The following LHX6 variants were observed in gnomAD, a reference collection of about 807,000 sequenced individuals.
LHX6 encodes LIM homeobox 6.
LHX6 carries 15 observed loss-of-function variants against 47.1 expected under a neutral mutation model. That is an observed-to-expected ratio of 0.32 (90% confidence interval 0.21 to 0.49). The LOEUF (loss-of-function observed/expected upper bound fraction) is 0.49, where lower values mean the gene tolerates loss of function less well. LHX6 is among the 20% of genes least tolerant of loss of function. The probability of loss-of-function intolerance (pLI) is 0.99; values close to 1 mark genes in which losing one functional copy is unlikely to be tolerated. For synonymous variants in LHX6, 242 were observed against 233.5 expected (o/e 1.04, Z -0.33); for missense variants, 404 against 539.6 (o/e 0.75, Z 2.49).
At chr9:122,216,762 C>T (rs1289116913) in intron 5 of LHX6, among the ~76,000 whole-genome samples, 10 of 152,244 alleles carry the variant, frequency 6.6e-5, no homozygotes, top group Non-Finnish European at 1.5e-4. Flanking sequence ...CTAGGGTTCA[C>T]TGAGTGCCTC....
chr9:122,212,556 T>C (rs1376144182), intron 8 of LHX6, among the ~76,000 whole-genome samples: 2 of 152,110 alleles, frequency 1.3e-5, no homozygotes, highest in Non-Finnish European at 1.5e-5. Context: ...GAGGAAACAA[T>C]TGATGGGAAC....
Position 122,214,196 on chromosome 9 carries a change from C to T in LHX6, c.783+87G>A. The stretch of plus-strand genomic sequence containing the variant: ...GCCCCGCCCCGCCACCCGGGTCCGG[C>T]CCGAGGGGCGGAGCCAGGAGACATT... On this transcript the variant is annotated intron_variant, in intron 6 of 9. Coordinates refer to ENST00000394319, the MANE Select transcript of LHX6 (RefSeq NM_014368.5). The surrounding 1 kb of genome is among the most constrained non-coding windows in gnomAD (Gnocchi z 4.6). 1.5e-6 allele frequency: 2 copies of T among 1,292,252 alleles called. No individual in the cohort carries two copies. The highest frequency in any genetic ancestry group is 2.3e-5 in the Admixed American group (1 of 42,562). The allele number at this position is 1,292,252 out of a possible 1,614,324, so 80.0% of individuals were successfully genotyped here. A position where few individuals can be genotyped will look rare whatever the true frequency, so the allele number is the denominator to read the frequency against.
rs1830503678 is a variant in LHX6, at chr9:122,214,125, C to A, written c.784-56G>T. ...GCACGCAGAGACTCCGAGACCCCGG[C>A]CCAATCAGCGGCGCCAGTCCACAGG... On this transcript the variant is annotated intron_variant, in intron 6 of 9. Coordinates refer to ENST00000394319, the MANE Select transcript of LHX6 (RefSeq NM_014368.5). This position sits in a 1 kb window ranked among gnomAD's most constrained non-coding sequence, Gnocchi z 4.6. 1.3e-6 allele frequency: 2 copies of A among 1,517,112 alleles called. No homozygotes were observed. Among genetic ancestry groups the A allele is most frequent in the African/African-American group, 2.7e-5 (2 of 73,134 alleles). The allele number at this position is 1,517,112 out of a possible 1,614,324, so 94.0% of individuals were successfully genotyped here. A position where few individuals can be genotyped will look rare whatever the true frequency, so the allele number is the denominator to read the frequency against.
chr9:122,204,863 G>A (rs996012288), intron 9 of LHX6, 83 bp from the exon 10 acceptor site: 10 of 947,614 alleles, frequency 1.1e-5, no homozygotes, highest in Non-Finnish European at 1.5e-5. Context: ...AAGGCACAGA[G>A]AAGAAGGGTG....
chr9:122,207,697 C>T (rs1280942293), intron 9 of LHX6, among the ~76,000 whole-genome samples: 2 of 152,146 alleles, frequency 1.3e-5, no homozygotes, highest in Non-Finnish European at 2.9e-5. Context: ...ACACATTCTC[C>T]TGTGGTGCCC....
intron 8 of LHX6, among the ~76,000 whole-genome samples, chr9:122,212,631 T>TC (rs1830438454): frequency 6.6e-6 from 1 of 152,120 alleles, no homozygotes. Context: ...TGAACACTCA[T>TC]CCTCCAGAAA....
intron 5 of LHX6, among the ~76,000 whole-genome samples, chr9:122,216,315 C>T (rs1382614228): frequency 6.6e-6 from 1 of 152,214 alleles, no homozygotes; most frequent in Non-Finnish European, 1.5e-5. Flanking sequence ...TTTCCCAGCT[C>T]CATCCCATCT....
chr9:122,228,753 C>T lies in LHX6; in HGVS notation c.-13G>A, dbSNP rs375357673. The stretch of plus-strand genomic sequence containing the variant: ...GCTTCCAGTACATGGGCCGGGGAAC[C>T]TCGGGCTCAGCGGGCGCGCAGCGCG... On this transcript the variant is annotated 5_prime_UTR_variant, in exon 1 of 10. Coordinates refer to ENST00000394319, the MANE Select transcript of LHX6 (RefSeq NM_014368.5). The T allele has an allele frequency of 2.2e-3, 2,794 of 1,251,832 alleles. 142 individuals are homozygous for T. In the Admixed American group the frequency reaches 0.096, roughly 43 times the overall value. 77.5% of individuals were successfully genotyped at this position (1,251,832 alleles called of 1,614,324 possible).
intron 9 of LHX6, among the ~76,000 whole-genome samples, chr9:122,206,736 G>A (rs1178175828): frequency 6.6e-6 from 1 of 152,030 alleles, no homozygotes; most frequent in Non-Finnish European, 1.5e-5. Context: ...GTACCTCCAG[G>A]GCCCATCCCT....
chr9:122,219,613 T>C (rs1461817718), intron 4 of LHX6, among the ~76,000 whole-genome samples: 3 of 152,146 alleles, frequency 2.0e-5, no homozygotes, highest in Non-Finnish European at 4.4e-5. Flanking sequence ...GAGACCTTAC[T>C]ACGGGCCGGG....
At chr9:122,212,426 T>G (rs945303481) in intron 8 of LHX6, among the ~76,000 whole-genome samples, 2 of 152,208 alleles carry the variant, frequency 1.3e-5, no homozygotes, top group African/African-American at 4.8e-5. Flanking sequence ...ATATGGTCAG[T>G]AAGCAGCAGT....
In LHX6 at chr9:122,214,254, C is replaced by T; in HGVS notation, c.783+29G>A. ...CCGCCCACTTTCGGCCCGGCCCCCG[C>T]CCCCGCCGCCCACTGCTTGCAGCGG... On this transcript the variant is annotated intron_variant, in intron 6 of 9. Transcript: ENST00000394319. The surrounding 1 kb of genome is among the most constrained non-coding windows in gnomAD (Gnocchi z 4.6). The T allele has an allele frequency of 1.3e-6, 2 of 1,546,606 alleles. No individual in the cohort carries two copies. Among genetic ancestry groups the T allele is most frequent in the Non-Finnish European group, 1.7e-6 (2 of 1,151,936 alleles).
chr9:122,221,845 G>T (rs1830875789), intron 4 of LHX6: 1 of 384,086 alleles, frequency 2.6e-6, no homozygotes, highest in African/African-American at 2.2e-5. Context: ...CTCACCTATA[G>T]AAGAGTATGG....
At chr9:122,219,715 G>T (rs1182627320) in intron 4 of LHX6, among the ~76,000 whole-genome samples, 2 of 152,202 alleles carry the variant, frequency 1.3e-5, no homozygotes, top group African/African-American at 2.4e-5. Context: ...GGAATCGAAG[G>T]TTCAGAGCCG....
rs555669887 is a variant in LHX6 at position 122,228,511 on chromosome 9, G to A, written c.84+146C>T. ...ACCCCCCCCCCCCGCTCGCGCGCGC[G>A]CTCCCACACTCACAAGCACACACTC... On this transcript the variant is annotated intron_variant, in intron 1 of 9. Coordinates refer to ENST00000394319, the MANE Select transcript of LHX6 (RefSeq NM_014368.5). 146 of 1,352,722 alleles carry A rather than the reference G, an allele frequency of 1.1e-4. No homozygotes were observed. The East Asian group carries it at 2.8e-3, about 26-fold the overall frequency. 83.8% of individuals were successfully genotyped at this position (1,352,722 alleles called of 1,614,324 possible). A position where few individuals can be genotyped will look rare whatever the true frequency, so the allele number is the denominator to read the frequency against.
chr9:122,217,314 G>A lies in LHX6; in HGVS notation c.462-26C>T. 6.3e-7 allele frequency: 1 copy of A among 1,584,460 alleles called. No homozygotes were observed. Among genetic ancestry groups the A allele is most frequent in the South Asian group, 1.1e-5 (1 of 88,846 alleles). ...CTGCAGGTCGAGAGGACAGGCACGG[G>A]GTGTCGAGACTCAGACAGGCCAACC... is the stretch of plus-strand genomic sequence containing the variant. On this transcript the variant is annotated intron_variant, in intron 4 of 9. Transcript: ENST00000394319. This position sits in a 1 kb window ranked among gnomAD's most constrained non-coding sequence, Gnocchi z 4.9.
chr9:122,228,108 G>GC (rs1831187065), intron 1 of LHX6: 3 of 344,720 alleles, frequency 8.7e-6, no homozygotes, highest in Non-Finnish European at 1.7e-5. Flanking sequence ...GTGAGCACCC[G>GC]CCCGCCCGCC....
intron 9 of LHX6, among the ~76,000 whole-genome samples, chr9:122,205,889 C>T (rs570795688): frequency 6.6e-6 from 1 of 152,190 alleles, no homozygotes; most frequent in South Asian, 2.1e-4. Flanking sequence ...GGGGAGGTGG[C>T]AGAGCTGGGA....
chr9:122,207,568 A>T (rs1830230862), intron 9 of LHX6, among the ~76,000 whole-genome samples: 1 of 152,196 alleles, frequency 6.6e-6, no homozygotes, highest in African/African-American at 2.4e-5. Flanking sequence ...TGACAGTCTC[A>T]GCGGCGATGG....
Sources: gnomAD v4.1 joint callset for allele counts (sites outside exome capture counted in the v4.1 genomes callset) on GRCh38, gnomAD v4.1.1 for gene constraint, Gnocchi (gnomAD v3.1) non-coding constraint, MANE v1.5 for transcripts, NCBI Gene and HGNC (gene_info 2026-07-23, HGNC 2026-07-21) for gene names.